Variants in CHRM3 observed in about 807,000 individuals in gnomAD.
CHRM3 encodes the protein cholinergic receptor muscarinic 3.
Under a neutral mutation model 41.8 loss-of-function variants are expected in CHRM3, and 11 were observed. That is an observed-to-expected ratio of 0.26 (90% CI 0.17 to 0.44). The LOEUF is 0.44. Among genes scored for constraint, CHRM3 ranks in the 20% least tolerant of loss-of-function variants. The probability of loss-of-function intolerance (pLI) is 1.00; values close to 1 mark genes in which losing one functional copy is unlikely to be tolerated. For synonymous variants in CHRM3, 297 were observed against 301.4 expected, an observed-to-expected ratio of 0.99 and a Z score of 0.15; for missense variants, 571 against 745.4, an observed-to-expected ratio of 0.77 and a Z score of 2.72.
intron 6 of CHRM3, among the ~76,000 whole-genome samples, chr1:239,831,127 G>A (rs1672864362): frequency 1.3e-5 from 2 of 152,094 alleles, no homozygotes; most frequent in South Asian, 4.1e-4. Flanking sequence ...TTAGAAGAAA[G>A]AGCACAGCCC....
In CHRM3 at chr1:239,411,875, T is replaced by C. The variant is rs573798898; in HGVS notation, c.-521+24648T>C. Among the ~76,000 whole-genome samples the C allele has an allele frequency of 5.9e-5, 9 of 152,076 alleles. No homozygotes were observed. The South Asian group carries it at 1.9e-3, about 32-fold the overall frequency. On this transcript the variant is annotated intron_variant, in intron 1 of 6. Coordinates refer to ENST00000676153, the MANE Select transcript of CHRM3 (RefSeq NM_001375978.1). Reference sequence around the variant, plus strand: ...AGTCCTCAGTGCACGATCCCCAATTTCTACTCCTGAGAGGCAACCACATTC... The same window carrying C: ...AGTCCTCAGTGCACGATCCCCAATTCCTACTCCTGAGAGGCAACCACATTC...
intron 1 of CHRM3, among the ~76,000 whole-genome samples, chr1:239,444,012 A>T (rs796098165): frequency 1.3e-5 from 2 of 152,322 alleles, no homozygotes; most frequent in African/African-American, 4.8e-5. Context: ...GTAGGCTGTG[A>T]GGTGTCTGCT....
At chr1:239,852,949 T>C (rs1349652682) in intron 6 of CHRM3, among the ~76,000 whole-genome samples, 1 of 152,134 alleles carries the variant, frequency 6.6e-6, no homozygotes, top group Non-Finnish European at 1.5e-5. Context: ...TATAAAAAGT[T>C]AATACATTCT....
At chr1:239,883,373 A>G (rs917681382) in intron 6 of CHRM3, among the ~76,000 whole-genome samples, 4 of 152,144 alleles carry the variant, frequency 2.6e-5, no homozygotes, top group African/African-American at 9.7e-5. Context: ...CATTTGCAGC[A>G]CTTCAGTTAG....
chr1:239,539,915 C>T (rs967523809), intron 2 of CHRM3, among the ~76,000 whole-genome samples: 1 of 152,174 alleles, frequency 6.6e-6, no homozygotes, highest in South Asian at 2.1e-4. Context: ...CTGCGCTGGC[C>T]AAATGCCATA....
chr1:239,445,272 G>T (rs1664042337), intron 1 of CHRM3, among the ~76,000 whole-genome samples: 1 of 152,250 alleles, frequency 6.6e-6, no homozygotes, highest in African/African-American at 2.4e-5. Context: ...GGAGCCAGGT[G>T]TTACCTGAGT....
Position 239,619,383 on chromosome 1 carries a change from A to C in CHRM3, c.-312-12841A>C, listed in dbSNP as rs566615574. Among the ~76,000 whole-genome samples the C allele has an allele frequency of 5.9e-5, 9 of 152,302 alleles. No homozygotes were observed. The East Asian group carries it at 1.5e-3, about 26-fold the overall frequency. On this transcript the variant is annotated intron_variant, in intron 3 of 6. Transcript: ENST00000676153. Reference sequence around the variant, plus strand: ...CTGGATGGAGACTTCCTGCCATTGCAGTGAACAGTAAAAACGAAACCGATT... The same window carrying C: ...CTGGATGGAGACTTCCTGCCATTGCCGTGAACAGTAAAAACGAAACCGATT...
At chr1:239,773,997 T>TA (rs1189380411) in intron 5 of CHRM3, among the ~76,000 whole-genome samples, 2 of 152,220 alleles carry the variant, frequency 1.3e-5, no homozygotes, top group Admixed American at 6.5e-5. Flanking sequence ...TGACCAGCTA[T>TA]AGGTACTACC....
At position 239,793,803 on chromosome 1, in the gene CHRM3, ATTTTTTT is replaced by A. The variant is rs67460907; in HGVS notation, c.-146-33430_-146-33424del. Among the ~76,000 whole-genome samples, 9 of 69,496 alleles carry A rather than the reference ATTTTTTT, an allele frequency of 1.3e-4. No individual in the cohort carries two copies. In the South Asian group the frequency reaches 2.0e-3, roughly 15 times the overall value. 45.6% of individuals were successfully genotyped at this position (69,496 alleles called of 152,430 possible). A position where few individuals can be genotyped will look rare whatever the true frequency, so the allele number is the denominator to read the frequency against. On this transcript the variant is annotated intron_variant, in intron 5 of 6. Coordinates refer to ENST00000676153, the MANE Select transcript of CHRM3 (RefSeq NM_001375978.1). ...TGAACTTGTCAGAAATGAAATGTGT[ATTTTTTT>A]TTTTTTTTTTTTTTTTTTGGTGATA...
intron 1 of CHRM3, among the ~76,000 whole-genome samples, chr1:239,489,292 A>G (rs1667406610): frequency 6.6e-6 from 1 of 152,042 alleles, no homozygotes; most frequent in African/African-American, 2.4e-5. Context: ...CATGCCTGTA[A>G]TCCCAGCTAC....
intron 6 of CHRM3, among the ~76,000 whole-genome samples, chr1:239,859,839 A>G (rs895623436): frequency 2.7e-5 from 4 of 147,404 alleles, no homozygotes; most frequent in Non-Finnish European, 6.0e-5. Flanking sequence ...ATATATATAT[A>G]TATATATATA....
chr1:239,766,679 AT>A (rs1667243112), intron 5 of CHRM3, among the ~76,000 whole-genome samples: 1 of 25,310 alleles, frequency 4.0e-5, no homozygotes, highest in Non-Finnish European at 2.2e-4. Flanking sequence ...AGATATATAG[AT>A]ATAGATATAG....
At chr1:239,774,413 G>A (rs1321586680) in intron 5 of CHRM3, among the ~76,000 whole-genome samples, 1 of 152,142 alleles carries the variant, frequency 6.6e-6, no homozygotes, top group Admixed American at 6.5e-5. Flanking sequence ...TGCTTGCTTA[G>A]TCATGAAAGC....
chr1:239,888,612 A>G (rs1318140102), intron 6 of CHRM3, among the ~76,000 whole-genome samples: 1 of 152,002 alleles, frequency 6.6e-6, no homozygotes, highest in Non-Finnish European at 1.5e-5. Flanking sequence ...AAAAAAAAAA[A>G]AAGTGGCAAT....
intron 5 of CHRM3, among the ~76,000 whole-genome samples, chr1:239,697,413 C>T (rs1660298529): frequency 6.6e-6 from 1 of 152,170 alleles, no homozygotes; most frequent in South Asian, 2.1e-4. Context: ...AATTAAACCT[C>T]TTTCTTTTGT....
At chr1:239,456,354 G>A (rs533681449) in intron 1 of CHRM3, among the ~76,000 whole-genome samples, 1 of 152,212 alleles carries the variant, frequency 6.6e-6, no homozygotes, top group South Asian at 2.1e-4. Context: ...AACTTTTAGT[G>A]TACCTTTTCT....
At chr1:239,542,425 A>G (rs146550748) in intron 2 of CHRM3, among the ~76,000 whole-genome samples, 40 of 152,308 alleles carry the variant, frequency 2.6e-4, no homozygotes, top group African/African-American at 9.4e-4. Context: ...TCTGGCAACC[A>G]TTTCCTACAG....
chr1:239,524,025 G>A (rs900781421), intron 2 of CHRM3, among the ~76,000 whole-genome samples: 3 of 152,102 alleles, frequency 2.0e-5, no homozygotes, highest in Non-Finnish European at 4.4e-5. Flanking sequence ...AATTATGGTC[G>A]TCTTGTAAAA....
intron 5 of CHRM3, among the ~76,000 whole-genome samples, chr1:239,718,092 G>A (rs1662574396): frequency 6.6e-6 from 1 of 152,006 alleles, no homozygotes; most frequent in Admixed American, 6.6e-5. Context: ...GACAGTGCAT[G>A]TTATAACATC....
Sources: gnomAD v4.1 joint callset for allele counts (sites outside exome capture counted in the v4.1 genomes callset) on GRCh38, gnomAD v4.1.1 for gene constraint, MANE v1.5 for transcripts, NCBI Gene and HGNC (gene_info 2026-07-23, HGNC 2026-07-21) for gene names.